Variants in GRM5 observed in about 807,000 individuals in gnomAD.
GRM5 encodes metabotropic glutamate receptor 5.
GRM5 carries 19 observed loss-of-function variants against 83.1 expected under a neutral mutation model. The observed-to-expected ratio is 0.23, with a 90% confidence interval of 0.16 to 0.34. The LOEUF (loss-of-function observed/expected upper bound fraction) is 0.34, where lower values mean the gene tolerates loss of function less well. Among genes scored for constraint, GRM5 ranks in the 10% least tolerant of loss-of-function variants. GRM5 has a pLI of 1.00. For missense variants in GRM5, 1,160 were observed against 1,588.3 expected (o/e 0.73, Z 4.58); for synonymous variants, 675 against 633.6 (o/e 1.07, Z -0.98).
intron 3 of GRM5, among the ~76,000 whole-genome samples, chr11:88,686,944 T>C (rs567542066): frequency 2.6e-5 from 4 of 152,182 alleles, no homozygotes; most frequent in Non-Finnish European, 5.9e-5. Flanking sequence ...CTATCTCCTC[T>C]ACTAAACCCA....
intron 3 of GRM5, among the ~76,000 whole-genome samples, chr11:88,726,310 G>GAAAT (rs1941679493): frequency 6.6e-6 from 1 of 152,094 alleles, no homozygotes; most frequent in Non-Finnish European, 1.5e-5. Context: ...TCAACTTAAT[G>GAAAT]AAATAAAGTG....
At position 88,858,877 on chromosome 11, in the gene GRM5, G is replaced by C. The variant is rs114649990; in HGVS notation, c.662-8722C>G. ...ATAGAAGTCTGAATTGGAACTATTT[G>C]GGAGTCCTCAGTATATGGATAGCAA... On this transcript the variant is annotated intron_variant, in intron 2 of 9. Coordinates refer to ENST00000305447, the MANE Select transcript of GRM5 (RefSeq NM_001143831.3). Among the ~76,000 whole-genome samples the C allele has an allele frequency of 3.7e-3, 568 of 152,062 alleles. 1 individual carries two copies. The highest frequency in any genetic ancestry group is 0.013 in the African/African-American group (537 of 41,522).
intron 2 of GRM5, among the ~76,000 whole-genome samples, chr11:89,035,368 A>G (rs1334460060): frequency 6.6e-6 from 1 of 151,888 alleles, no homozygotes; most frequent in Admixed American, 6.6e-5. Flanking sequence ...GTAATTCAGT[A>G]ATATATTTTT....
At chr11:88,872,782 C>G (rs1299092421) in intron 2 of GRM5, among the ~76,000 whole-genome samples, 1 of 151,120 alleles carries the variant, frequency 6.6e-6, no homozygotes, top group African/African-American at 2.4e-5. Context: ...TCACAAAGAA[C>G]AAATGTAAAA....
chr11:89,008,190 A>T (rs1045316357), intron 2 of GRM5, among the ~76,000 whole-genome samples: 1 of 152,162 alleles, frequency 6.6e-6, no homozygotes, highest in Non-Finnish European at 1.5e-5. Context: ...TTGAAAACCT[A>T]TGCTGGAAAG....
chr11:88,786,870 G>GT (rs1943079255), intron 3 of GRM5, among the ~76,000 whole-genome samples: 1 of 151,918 alleles, frequency 6.6e-6, no homozygotes, highest in Non-Finnish European at 1.5e-5. Flanking sequence ...TGGACTCTGG[G>GT]ACAAGAAGAG....
chr11:88,537,069 T>C (rs536828668), intron 8 of GRM5, among the ~76,000 whole-genome samples: 4 of 152,292 alleles, frequency 2.6e-5, no homozygotes, highest in Admixed American at 6.5e-5. Context: ...CCAAATCTCA[T>C]GCTCTTCATT....
chr11:88,649,933 T>C (rs1335797449), intron 4 of GRM5, among the ~76,000 whole-genome samples: 1 of 151,830 alleles, frequency 6.6e-6, no homozygotes, highest in Non-Finnish European at 1.5e-5. Context: ...AACACAGTCC[T>C]GTGGTATACA....
At chr11:88,784,867 G>C (rs891041874) in intron 3 of GRM5, among the ~76,000 whole-genome samples, 2 of 151,924 alleles carry the variant, frequency 1.3e-5, no homozygotes, top group Non-Finnish European at 2.9e-5. Context: ...ATGTTTAACT[G>C]TTCTATCCAT....
intron 2 of GRM5, among the ~76,000 whole-genome samples, chr11:88,871,778 G>A (rs1243071913): frequency 1.3e-5 from 2 of 151,326 alleles, no homozygotes; most frequent in Non-Finnish European, 3.0e-5. Context: ...GAATTTATAG[G>A]TGTTGAACAA....
intron 4 of GRM5, among the ~76,000 whole-genome samples, chr11:88,641,401 C>G (rs182534704): frequency 6.6e-5 from 10 of 151,792 alleles, no homozygotes; most frequent in African/African-American, 2.4e-4. Context: ...TTATGCTGCC[C>G]CTGGCCCCTC....
chr11:88,583,304 T>C (rs905922643), intron 7 of GRM5, among the ~76,000 whole-genome samples: 13 of 152,162 alleles, frequency 8.5e-5, no homozygotes, highest in African/African-American at 2.9e-4. Flanking sequence ...GCGGCTTTTT[T>C]CCTCTTAAGT....
chr11:88,572,857 A>G (rs543292003), intron 7 of GRM5, among the ~76,000 whole-genome samples: 233 of 152,240 alleles, frequency 1.5e-3, no homozygotes, highest in Middle Eastern at 3.4e-3. Flanking sequence ...AGCGCATATA[A>G]TGTATAGTTT....
At chr11:88,560,270 G>A (rs1227259358) in intron 8 of GRM5, among the ~76,000 whole-genome samples, 1 of 152,142 alleles carries the variant, frequency 6.6e-6, no homozygotes, top group Non-Finnish European at 1.5e-5. Flanking sequence ...TTGTTTGAAT[G>A]AGTATCTTTT....
chr11:88,889,265 T>C (rs1448962051), intron 2 of GRM5, among the ~76,000 whole-genome samples: 1 of 152,156 alleles, frequency 6.6e-6, no homozygotes, highest in Non-Finnish European at 1.5e-5. Context: ...GCTGATATCA[T>C]CTTTGTTTTA....
intron 3 of GRM5, among the ~76,000 whole-genome samples, chr11:88,758,463 A>G (rs1026782604): frequency 5.9e-5 from 9 of 152,186 alleles, no homozygotes; most frequent in African/African-American, 2.2e-4. Context: ...AGTAATAAGC[A>G]AAATAGACCA....
In GRM5 at chr11:88,702,161, T is replaced by G. The variant is rs146082007; in HGVS notation, c.912-48758A>C. On this transcript the variant is annotated intron_variant, in intron 3 of 9. Transcript: ENST00000305447. ...AGGATTTCATTTTTAGTTTACACAC[T>G]ATCTAGTTACTATGAAGTAACTATA... 2.6e-5 allele frequency among the ~76,000 whole-genome samples: 4 copies of G among 152,188 alleles called. No homozygotes were observed. The East Asian group carries it at 7.7e-4, about 29-fold the overall frequency.
At chr11:88,542,289 AC>A (rs1467701651) in intron 8 of GRM5, among the ~76,000 whole-genome samples, 1 of 152,172 alleles carries the variant, frequency 6.6e-6, no homozygotes, top group East Asian at 1.9e-4. Context: ...GGGCTGTTGA[AC>A]ACTGAGGCTT....
chr11:88,536,618 T>G (rs1361666714), intron 8 of GRM5, among the ~76,000 whole-genome samples: 1 of 152,174 alleles, frequency 6.6e-6, no homozygotes, highest in African/African-American at 2.4e-5. Flanking sequence ...GTTGGTTCCT[T>G]GAACACCAGC....
Sources: gnomAD v4.1 joint callset for allele counts (sites outside exome capture counted in the v4.1 genomes callset) on GRCh38, gnomAD v4.1.1 for gene constraint, MANE v1.5 for transcripts, NCBI Gene and HGNC (gene_info 2026-07-23, HGNC 2026-07-21) for gene names.